The following EYA4 variants were observed in gnomAD, a reference collection of about 807,000 sequenced individuals.
EYA4 encodes the protein protein phosphatase EYA4.
Under a neutral mutation model 87.9 loss-of-function variants are expected in EYA4, and 31 were observed. That is an observed-to-expected ratio of 0.35 (90% CI 0.27 to 0.48). The LOEUF (loss-of-function observed/expected upper bound fraction) is 0.48, where lower values mean the gene tolerates loss of function less well. EYA4 is among the 20% of genes least tolerant of loss of function. The pLI, the probability that EYA4 is intolerant of heterozygous loss-of-function variation, is 0.99. For missense variants in EYA4, 678 were observed against 761.4 expected, an observed-to-expected ratio of 0.89 and a Z score of 1.29; for synonymous variants, 263 against 270.6, an observed-to-expected ratio of 0.97 and a Z score of 0.28.
intron 17 of EYA4, among the ~76,000 whole-genome samples, chr6:133,522,569 G>T (rs1800279732): frequency 6.6e-6 from 1 of 152,092 alleles, no homozygotes; most frequent in East Asian, 1.9e-4. Flanking sequence ...TCTCCAGATG[G>T]TTAAATAATA....
chr6:133,466,685 TGAA>T (rs1370652897), intron 10 of EYA4, among the ~76,000 whole-genome samples: 2 of 151,092 alleles, frequency 1.3e-5, no homozygotes, highest in African/African-American at 4.9e-5. Context: ...AAGAGTTAGG[TGAA>T]GAAGGAGGGC....
intron 13 of EYA4, among the ~76,000 whole-genome samples, chr6:133,495,381 T>G (rs960739616): frequency 2.3e-4 from 34 of 148,164 alleles, no homozygotes; most frequent in Admixed American, 8.8e-4. Context: ...TAAATATAAA[T>G]ATATTCATTT....
At chr6:133,523,536 A>G (rs1800367224) in intron 18 of EYA4, among the ~76,000 whole-genome samples, 1 of 152,168 alleles carries the variant, frequency 6.6e-6, no homozygotes, top group South Asian at 2.1e-4. Context: ...TAAAAATACA[A>G]TTTTGGCTTT....
chr6:133,374,285 A>G (rs1785498446), intron 2 of EYA4, among the ~76,000 whole-genome samples: 1 of 152,080 alleles, frequency 6.6e-6, no homozygotes, highest in Admixed American at 6.6e-5. Context: ...TATAGACTAT[A>G]GAAGTTTTTC....
chr6:133,487,532 A>G (rs1464084762), intron 13 of EYA4, among the ~76,000 whole-genome samples: 1 of 152,172 alleles, frequency 6.6e-6, no homozygotes, highest in Non-Finnish European at 1.5e-5. Flanking sequence ...CAACTTGGAT[A>G]CTAACTCAGT....
intron 2 of EYA4, among the ~76,000 whole-genome samples, chr6:133,358,081 G>A (rs1018196499): frequency 7.2e-5 from 11 of 152,108 alleles, no homozygotes; most frequent in Admixed American, 5.9e-4. Context: ...CGAACCTCCC[G>A]ATAGCTTCAT....
intron 2 of EYA4, among the ~76,000 whole-genome samples, chr6:133,374,934 A>G (rs1329973460): frequency 1.3e-5 from 2 of 152,008 alleles, no homozygotes; most frequent in African/African-American, 4.8e-5. Context: ...TTTGACCACC[A>G]TTTGGCAAAA....
intron 1 of EYA4, among the ~76,000 whole-genome samples, chr6:133,266,255 A>G (rs1776215633): frequency 6.6e-6 from 1 of 152,206 alleles, no homozygotes; most frequent in East Asian, 1.9e-4. Context: ...ACACACACAC[A>G]AAAGAATGCC....
At chr6:133,397,775 G>A (rs915980164) in intron 3 of EYA4, among the ~76,000 whole-genome samples, 1 of 152,182 alleles carries the variant, frequency 6.6e-6, no homozygotes, top group Non-Finnish European at 1.5e-5. Flanking sequence ...TATGGCGGAA[G>A]GCAAAAGGCA....
At chr6:133,256,289 G>A (rs150892764) in intron 1 of EYA4, among the ~76,000 whole-genome samples, 1,541 of 151,428 alleles carry the variant, frequency 0.01, 11 homozygotes, top group Admixed American at 0.024. Context: ...CTTATGGTTC[G>A]TAAGCCCAAA....
At chr6:133,455,977 C>T (rs993715640) in intron 5 of EYA4, among the ~76,000 whole-genome samples, 21 of 152,088 alleles carry the variant, frequency 1.4e-4, no homozygotes, top group African/African-American at 4.6e-4. Context: ...TCTTTTTCTA[C>T]GCTTATCTCT....
intron 9 of EYA4, among the ~76,000 whole-genome samples, chr6:133,463,113 T>C (rs1022192925): frequency 1.1e-4 from 16 of 152,150 alleles, no homozygotes; most frequent in Non-Finnish European, 1.8e-4. Flanking sequence ...TTCTTTTCAC[T>C]CTTCCTGAAG....
In EYA4 at chr6:133,404,819, G is replaced by A. The variant is rs529422999; in HGVS notation, c.83+22378G>A. Among the ~76,000 whole-genome samples, 152 of 152,312 alleles carry A rather than the reference G, an allele frequency of 1.0e-3. 2 individuals carry two copies. Among genetic ancestry groups the A allele is most frequent in the African/African-American group, 3.4e-3 (141 of 41,572 alleles). The stretch of plus-strand genomic sequence containing the variant: ...CTCATCACCCACCTTAAAGTGGATT[G>A]CTTGTATCCAGTTTCTAGTCTCCTT... On this transcript the variant is annotated intron_variant, in intron 3 of 19. Coordinates refer to ENST00000355286, the MANE Select transcript of EYA4 (RefSeq NM_004100.5).
chr6:133,500,251 C>G (rs138915133), intron 13 of EYA4, among the ~76,000 whole-genome samples: 15 of 152,002 alleles, frequency 9.9e-5, no homozygotes, highest in Admixed American at 3.3e-4. Flanking sequence ...GGGTGTGGCC[C>G]GAGCAACAGG....
intron 17 of EYA4, among the ~76,000 whole-genome samples, chr6:133,516,208 G>C (rs546894298): frequency 6.6e-6 from 1 of 152,130 alleles, no homozygotes; most frequent in South Asian, 2.1e-4. Context: ...ACACATATAG[G>C]GAAACAACAG....
intron 2 of EYA4, among the ~76,000 whole-genome samples, chr6:133,299,970 T>TATATA: frequency 6.6e-6 from 1 of 150,498 alleles, no homozygotes; most frequent in Non-Finnish European, 1.5e-5. Context: ...TATATATATA[T>TATATA]CTTTTGACTA....
intron 2 of EYA4, among the ~76,000 whole-genome samples, chr6:133,378,429 A>G (rs1411776393): frequency 1.3e-5 from 2 of 152,112 alleles, no homozygotes; most frequent in African/African-American, 4.8e-5. Flanking sequence ...AATGGCAGTA[A>G]TTATTATTGT....
At chr6:133,445,611 C>T (rs1411761060) in intron 3 of EYA4, among the ~76,000 whole-genome samples, 11 of 150,406 alleles carry the variant, frequency 7.3e-5, no homozygotes, top group Non-Finnish European at 1.5e-4. Flanking sequence ...CAGAGTCTCG[C>T]TCTGTCGCTC....
intron 3 of EYA4, among the ~76,000 whole-genome samples, chr6:133,441,595 G>A (rs1005405210): frequency 6.6e-6 from 1 of 152,172 alleles, no homozygotes; most frequent in Non-Finnish European, 1.5e-5. Context: ...ATGGTGAGAT[G>A]GCTAAACTAA....
Sources: allele counts gnomAD v4.1 joint callset (sites outside exome capture counted in the v4.1 genomes callset), GRCh38; gene constraint gnomAD v4.1.1; transcripts MANE v1.5; gene names NCBI Gene and HGNC (gene_info 2026-07-23, HGNC 2026-07-21).